SNTG1: variants seen among roughly 807,000 people sequenced by gnomAD.
SNTG1 encodes syntrophin gamma 1.
Under a neutral mutation model 74.7 loss-of-function variants are expected in SNTG1, and 39 were observed. That is an observed-to-expected ratio of 0.52 (90% confidence interval 0.40 to 0.68). The LOEUF is 0.68. Among genes scored for constraint, SNTG1 ranks in the 30% least tolerant of loss-of-function variants. SNTG1 has a pLI of 0.00. For missense variants in SNTG1, 685 were observed against 609.5 expected (o/e 1.12, Z -1.30); for synonymous variants, 254 against 217.1 (o/e 1.17, Z -1.49).
intron 15 of SNTG1, among the ~76,000 whole-genome samples, chr8:50,671,031 C>G (rs2095279315): frequency 6.6e-6 from 1 of 150,700 alleles, no homozygotes; most frequent in South Asian, 2.1e-4. Flanking sequence ...ACACCTTATA[C>G]AAAAATTAAT....
intron 17 of SNTG1, among the ~76,000 whole-genome samples, chr8:50,746,860 AAT>A (rs1460634398): frequency 6.8e-6 from 1 of 147,560 alleles, no homozygotes; most frequent in African/African-American, 2.5e-5. Context: ...TTATATTGTA[AAT>A]ATATATAATA....
chr8:50,214,968 G>T (rs775239509), intron 2 of SNTG1, among the ~76,000 whole-genome samples: 1 of 152,142 alleles, frequency 6.6e-6, no homozygotes. Flanking sequence ...TTAGTGGCAC[G>T]TCCAGTGGCG....
chr8:50,672,114 C>T (rs2095286668), intron 15 of SNTG1, among the ~76,000 whole-genome samples: 1 of 150,898 alleles, frequency 6.6e-6, no homozygotes, highest in Admixed American at 6.6e-5. Context: ...TTAATGGGTG[C>T]AGCACAGCAG....
At chr8:50,590,699 A>T (rs1223020000) in intron 12 of SNTG1, among the ~76,000 whole-genome samples, 180 bp from the exon 13 acceptor site, 1 of 152,150 alleles carries the variant, frequency 6.6e-6, no homozygotes, top group Non-Finnish European at 1.5e-5. Flanking sequence ...TAATTTTGAT[A>T]GCCAATTTTA....
chr8:50,704,594 C>T lies in SNTG1; in HGVS notation c.1039-6C>T. 6.2e-7 allele frequency: 1 copy of T among 1,614,042 alleles called. No individual in the cohort carries two copies. Reference sequence around the variant, plus strand: ...GCCAGCCTGTGTAACTCCAGGTTTTCACCAGGACAGTGACCTGCTGGACCG... The same window carrying T: ...GCCAGCCTGTGTAACTCCAGGTTTTTACCAGGACAGTGACCTGCTGGACCG... On this transcript the variant is annotated splice_region_variant and splice_polypyrimidine_tract_variant and intron_variant, in intron 15 of 18. Transcript: ENST00000642720.
chr8:50,682,741 C>T (rs897789243), intron 15 of SNTG1, among the ~76,000 whole-genome samples: 1 of 152,068 alleles, frequency 6.6e-6, no homozygotes, highest in Non-Finnish European at 1.5e-5. Flanking sequence ...TAAGATCTGT[C>T]CCCCAACACC....
intron 12 of SNTG1, among the ~76,000 whole-genome samples, chr8:50,578,051 A>T (rs759450239): frequency 1.1e-4 from 17 of 152,188 alleles, no homozygotes; most frequent in Non-Finnish European, 2.1e-4. Flanking sequence ...AAGATAGCTA[A>T]TTTTTTCTGA....
At chr8:49,991,743 G>A (rs1193293785) in intron 1 of SNTG1, among the ~76,000 whole-genome samples, 2 of 152,236 alleles carry the variant, frequency 1.3e-5, no homozygotes, top group East Asian at 3.9e-4. Flanking sequence ...TATATATAAT[G>A]TCCAGAATAG....
chr8:50,602,980 A>G (rs577099309), intron 13 of SNTG1, among the ~76,000 whole-genome samples: 200 of 151,090 alleles, frequency 1.3e-3, no homozygotes, highest in South Asian at 5.6e-3. Flanking sequence ...TGATTGTTAA[A>G]TGCCTTGAGA....
In SNTG1 at chr8:50,576,431, G is replaced by A. The variant is rs533442115; in HGVS notation, c.811-14448G>A. Among the ~76,000 whole-genome samples, 148 of 152,206 alleles carry A rather than the reference G, an allele frequency of 9.7e-4. 2 individuals carry two copies. The South Asian group carries it at 0.011, about 11-fold the overall frequency. On this transcript the variant is annotated intron_variant, in intron 12 of 18. Coordinates refer to ENST00000642720, the MANE Select transcript of SNTG1 (RefSeq NM_018967.5). The stretch of plus-strand genomic sequence containing the variant: ...TCTGGTATTGTTCTTTGTTAAGATT[G>A]TTTTGGCAATTCGGGAGGGCCCTTG...
At position 50,793,223 on chromosome 8, in the gene SNTG1, CAG is replaced by C. The variant is rs995716846; in HGVS notation, c.*397_*398del. 1.3e-5 allele frequency: 2 copies of C among 153,666 alleles called. No homozygotes were observed. Among genetic ancestry groups the C allele is most frequent in the African/African-American group, 4.8e-5 (2 of 41,440 alleles). The allele number at this position is 153,666 out of a possible 1,614,324, so 9.5% of individuals were successfully genotyped here. A position where few individuals can be genotyped will look rare whatever the true frequency, so the allele number is the denominator to read the frequency against. On this transcript the variant is annotated 3_prime_UTR_variant, in exon 19 of 19. Coordinates refer to ENST00000642720, the MANE Select transcript of SNTG1 (RefSeq NM_018967.5). ...TTTTGTATGACTAGTACATGTTGGG[CAG>C]AGTCATAGGAAAACAAATGCCCTAT... is the stretch of plus-strand genomic sequence containing the variant.
chr8:50,203,279 T>C (rs1218922285), intron 2 of SNTG1, among the ~76,000 whole-genome samples: 1 of 152,166 alleles, frequency 6.6e-6, no homozygotes, highest in East Asian at 1.9e-4. Context: ...ACCCATCTGT[T>C]CTTCCATGCT....
At chr8:50,153,721 A>G (rs1037482829) in intron 1 of SNTG1, among the ~76,000 whole-genome samples, 1 of 152,154 alleles carries the variant, frequency 6.6e-6, no homozygotes, top group African/African-American at 2.4e-5. Context: ...AACAGCGAAT[A>G]TTGCTGAACA....
At chr8:50,492,691 C>G (rs2093868178) in intron 8 of SNTG1, among the ~76,000 whole-genome samples, 1 of 152,094 alleles carries the variant, frequency 6.6e-6, no homozygotes, top group African/African-American at 2.4e-5. Context: ...GTTGCCTGTT[C>G]ATGCTGATGA....
At chr8:50,365,367 T>C (rs1004713617) in intron 2 of SNTG1, among the ~76,000 whole-genome samples, 3 of 152,114 alleles carry the variant, frequency 2.0e-5, no homozygotes, top group Non-Finnish European at 4.4e-5. Context: ...GTTAGATGAA[T>C]TTACTTTTAT....
In SNTG1 at chr8:50,441,838, A is replaced by G. The variant is rs189960357; in HGVS notation, c.219+3239A>G. ...GAGTTCTGACATCAATTACATTGAG[A>G]TTTAGGGTAGGAATTACTGATTTAT... is the stretch of plus-strand genomic sequence containing the variant. On this transcript the variant is annotated intron_variant, in intron 5 of 18. Coordinates refer to ENST00000642720, the MANE Select transcript of SNTG1 (RefSeq NM_018967.5). 3.3e-3 allele frequency among the ~76,000 whole-genome samples: 499 copies of G among 152,304 alleles called. 1 individual carries two copies. The highest frequency in any genetic ancestry group is 5.5e-3 in the Non-Finnish European group (374 of 68,028).
At chr8:50,731,988 A>T (rs2095513978) in intron 17 of SNTG1, among the ~76,000 whole-genome samples, 1 of 152,002 alleles carries the variant, frequency 6.6e-6, no homozygotes. Context: ...TTAGCTGACA[A>T]GTCCTTCAGT....
At chr8:49,939,831 C>A (rs1156940560) in intron 1 of SNTG1, among the ~76,000 whole-genome samples, 5 of 152,152 alleles carry the variant, frequency 3.3e-5, no homozygotes, top group Non-Finnish European at 7.3e-5. Flanking sequence ...CCATGGGCTT[C>A]TTGGAAAGTC....
At chr8:50,044,120 C>T (rs1563515179) in intron 1 of SNTG1, among the ~76,000 whole-genome samples, 3 of 152,066 alleles carry the variant, frequency 2.0e-5, no homozygotes, top group Admixed American at 6.5e-5. Context: ...CCCTCTTTTT[C>T]GCCAGGGGTT....
Sources: allele counts gnomAD v4.1 joint callset (sites outside exome capture counted in the v4.1 genomes callset), GRCh38; gene constraint gnomAD v4.1.1; transcripts MANE v1.5; gene names NCBI Gene and HGNC (gene_info 2026-07-23, HGNC 2026-07-21).